The following PNPLA8 variants were observed in gnomAD, a reference collection of about 807,000 sequenced individuals.
The protein encoded by PNPLA8 is patatin like domain 8, phospholipase A2, also known as calcium-independent phospholipase A2-gamma.
A neutral mutation model predicts 76.9 loss-of-function variants in PNPLA8; 39 were observed. The observed-to-expected ratio is 0.51, with a 90% CI of 0.39 to 0.66. The LOEUF is 0.66. Among genes scored for constraint, PNPLA8 ranks in the 30% least tolerant of loss-of-function variants. PNPLA8 has a pLI of 0.00. For synonymous variants in PNPLA8, 301 were observed against 307.9 expected (o/e 0.98, Z 0.24); for missense variants, 887 against 918.0 (o/e 0.97, Z 0.44).
intron 8 of PNPLA8, among the ~76,000 whole-genome samples, chr7:108,488,251 T>TAG (rs1484031008): frequency 6.6e-6 from 1 of 152,194 alleles, no homozygotes; most frequent in African/African-American, 2.4e-5. Context: ...TCTAGACCTT[T>TAG]ACATAATAAT....
chr7:108,523,297 G>C (rs576294482), intron 1 of PNPLA8, among the ~76,000 whole-genome samples: 13 of 152,274 alleles, frequency 8.5e-5, no homozygotes, highest in African/African-American at 2.4e-4. Flanking sequence ...CAGTCTGAAG[G>C]TAACAGTACT....
intron 4 of PNPLA8, among the ~76,000 whole-genome samples, chr7:108,507,374 G>T (rs1191644127): frequency 1.3e-5 from 2 of 148,218 alleles, no homozygotes. Context: ...AAAGAAACAG[G>T]CTGGGTGAGG....
upstream of PNPLA8, chr7:108,527,859 C>T (rs1025526946): frequency 2.0e-5 from 3 of 152,230 alleles, no homozygotes; most frequent in East Asian, 3.9e-4. Context: ...GGGAAGAGGG[C>T]TCAGAGGAGC....
intron 2 of PNPLA8, among the ~76,000 whole-genome samples, chr7:108,517,266 T>C (rs767617332): frequency 7.9e-5 from 12 of 152,196 alleles, no homozygotes; most frequent in African/African-American, 1.4e-4. Flanking sequence ...TAAATGCTGG[T>C]GAGGATGTAA....
intron 2 of PNPLA8, among the ~76,000 whole-genome samples, chr7:108,518,672 T>C (rs1863512203): frequency 6.8e-6 from 1 of 148,110 alleles, no homozygotes. Flanking sequence ...CTTAAAAAAG[T>C]CTTTAAAAAA....
chr7:108,524,587 G>A (rs1284555740), intron 1 of PNPLA8, among the ~76,000 whole-genome samples: 4 of 152,222 alleles, frequency 2.6e-5, no homozygotes, highest in Non-Finnish European at 5.9e-5. Context: ...CACTTTGGGA[G>A]GCCGAGGCGG....
At chr7:108,509,592 G>A (rs1200222966) in intron 4 of PNPLA8, among the ~76,000 whole-genome samples, 5 of 147,028 alleles carry the variant, frequency 3.4e-5, no homozygotes, top group Non-Finnish European at 6.1e-5. Context: ...CTGTAAACTA[G>A]TTCAACCATT....
At chr7:108,502,061 T>A (rs896248644) in intron 5 of PNPLA8, among the ~76,000 whole-genome samples, 5 of 152,064 alleles carry the variant, frequency 3.3e-5, no homozygotes, top group African/African-American at 1.2e-4. Context: ...TAAAACAATT[T>A]CATGTTTTAT....
chr7:108,483,051 A>G lies in PNPLA8; in HGVS notation c.1879-3672T>C, dbSNP rs538118072. On this transcript the variant is annotated intron_variant, in intron 9 of 10. Transcript: ENST00000257694. ...TTAGAGGGAGTGGTAGTATTTTGCA[A>G]ACCACAGATTATGATAACTCTTCAT... Among the ~76,000 whole-genome samples the G allele has an allele frequency of 5.9e-5, 9 of 152,382 alleles. No individual in the cohort carries two copies. The South Asian group carries it at 1.9e-3, about 32-fold the overall frequency.
rs771622986 is a variant in PNPLA8, at chr7:108,479,351, G to A, written c.1907C>T (p.Ser636Leu). Residue 636 changes from serine to leucine, a missense_variant, in exon 10 of 11, where the codon TCG (serine) becomes TTG (leucine). Transcript: ENST00000257694. Reference sequence around the variant, plus strand: ...TTTACACTCATGCATAGCTAATGCCGAAGGGTTATTCAGAAGCAAACCTCC... The same window carrying A: ...TTTACACTCATGCATAGCTAATGCCAAAGGGTTATTCAGAAGCAAACCTCC... The part of the protein sequence containing the change: ...QDGGLLLNNP[S>L]ALAMHECKCL... 8.1e-6 allele frequency: 13 copies of A among 1,612,536 alleles called. No homozygotes were observed. Among genetic ancestry groups the A allele is most frequent in the African/African-American group, 2.7e-5 (2 of 74,868 alleles).
chr7:108,489,344 G>C (rs777657246), intron 8 of PNPLA8, among the ~76,000 whole-genome samples: 1 of 152,102 alleles, frequency 6.6e-6, no homozygotes, highest in Non-Finnish European at 1.5e-5. Flanking sequence ...TGGATTCCGA[G>C]GCACTAATCT....
chr7:108,505,841 A>C (rs1239129792), intron 4 of PNPLA8, among the ~76,000 whole-genome samples: 1 of 152,114 alleles, frequency 6.6e-6, no homozygotes, highest in Non-Finnish European at 1.5e-5. Flanking sequence ...ACACATACAT[A>C]CCGCACATAT....
At chr7:108,473,783 C>T (rs1223472716) in intron 10 of PNPLA8, among the ~76,000 whole-genome samples, 1 of 152,172 alleles carries the variant, frequency 6.6e-6, no homozygotes, top group Non-Finnish European at 1.5e-5. Context: ...TGGCTCACCG[C>T]AACCTCGAAC....
intron 2 of PNPLA8, among the ~76,000 whole-genome samples, chr7:108,521,056 C>T (rs1253126815): frequency 6.6e-6 from 1 of 151,970 alleles, no homozygotes; most frequent in African/African-American, 2.4e-5. Context: ...CACCAAGCAA[C>T]CACTATGGAA....
At chr7:108,480,659 T>C (rs1860327662) in intron 9 of PNPLA8, 3 of 368,612 alleles carry the variant, frequency 8.1e-6, no homozygotes, top group Non-Finnish European at 1.7e-5. Flanking sequence ...CCTTAAACAG[T>C]TTTTGACAGA....
At chr7:108,486,163 A>G (rs923024837) in intron 9 of PNPLA8, among the ~76,000 whole-genome samples, 2 of 152,096 alleles carry the variant, frequency 1.3e-5, no homozygotes, top group African/African-American at 4.8e-5. Context: ...GATAAAGAAT[A>G]AAGAGCAAAT....
At chr7:108,483,525 G>T (rs1312351041) in intron 9 of PNPLA8, among the ~76,000 whole-genome samples, 1 of 151,988 alleles carries the variant, frequency 6.6e-6, no homozygotes, top group East Asian at 1.9e-4. Flanking sequence ...TTTGGGTCTG[G>T]TTTCTTTTAC....
At chr7:108,520,761 ACT>A (rs1445557118) in intron 2 of PNPLA8, among the ~76,000 whole-genome samples, 2 of 152,170 alleles carry the variant, frequency 1.3e-5, no homozygotes, top group Non-Finnish European at 2.9e-5. Context: ...CTTGAAGAAT[ACT>A]GAGACTGTAA....
intron 10 of PNPLA8, among the ~76,000 whole-genome samples, chr7:108,475,444 A>C (rs770507212): frequency 1.3e-5 from 2 of 152,128 alleles, no homozygotes; most frequent in Non-Finnish European, 2.9e-5. Context: ...TCAGCTTGTT[A>C]ATCTCTATCC....
Sources: gnomAD v4.1 joint callset for allele counts (sites outside exome capture counted in the v4.1 genomes callset) on GRCh38, gnomAD v4.1.1 for gene constraint, MANE v1.5 for transcripts, NCBI Gene and HGNC (gene_info 2026-07-23, HGNC 2026-07-21) for gene names.